The following LRRC7 variants were observed in gnomAD, a reference collection of about 807,000 sequenced individuals.
The protein encoded by LRRC7 is leucine rich repeat containing 7, also known as leucine-rich repeat-containing protein 7.
Under a neutral mutation model 175.7 loss-of-function variants are expected in LRRC7, and 23 were observed. The observed-to-expected ratio is 0.13, with a 90% CI of 0.09 to 0.19. The LOEUF (loss-of-function observed/expected upper bound fraction) is 0.19, where lower values mean the gene tolerates loss of function less well. Among genes scored for constraint, LRRC7 ranks in the 10% least tolerant of loss-of-function variants. The pLI is 1.00. For synonymous variants in LRRC7, 685 were observed against 680.9 expected (o/e 1.01, Z -0.09); for missense variants, 1,354 against 1,904.7 (o/e 0.71, Z 5.38).
intron 3 of LRRC7, among the ~76,000 whole-genome samples, chr1:69,763,981 A>G (rs1211450551): frequency 3.9e-5 from 6 of 152,038 alleles, no homozygotes; most frequent in African/African-American, 9.7e-5. Flanking sequence ...ATAAGATGTT[A>G]TGTAATACAA....
chr1:69,796,946 T>C (rs530145106), intron 4 of LRRC7, among the ~76,000 whole-genome samples: 1 of 152,202 alleles, frequency 6.6e-6, no homozygotes, highest in Non-Finnish European at 1.5e-5. Context: ...TGTTTTGAAC[T>C]TATTTCACTT....
intron 8 of LRRC7, among the ~76,000 whole-genome samples, chr1:69,947,107 CAAAATAAA>C (rs1649408113): frequency 7.2e-6 from 1 of 139,404 alleles, no homozygotes; most frequent in South Asian, 2.3e-4. Flanking sequence ...GACTGTGTCT[CAAAATAAA>C]TAAATAAATA....
intron 7 of LRRC7, among the ~76,000 whole-genome samples, chr1:69,895,403 TA>T (rs1645951802): frequency 6.6e-6 from 1 of 152,310 alleles, no homozygotes; most frequent in Admixed American, 6.5e-5. Flanking sequence ...CTTGAATTTA[TA>T]ATATATACAA....
chr1:69,629,742 G>A (rs1652184470), intron 1 of LRRC7, among the ~76,000 whole-genome samples: 1 of 151,700 alleles, frequency 6.6e-6, no homozygotes. Context: ...CTCTCTCTCT[G>A]CCTATGTTAA....
chr1:69,932,718 G>A (rs1647511778), intron 8 of LRRC7, among the ~76,000 whole-genome samples: 1 of 152,164 alleles, frequency 6.6e-6, no homozygotes, highest in Non-Finnish European at 1.5e-5. Flanking sequence ...AAAATTGCTA[G>A]TCTCTCATGT....
chr1:69,603,925 T>C (rs916128601), intron 1 of LRRC7, among the ~76,000 whole-genome samples: 3 of 152,224 alleles, frequency 2.0e-5, no homozygotes, highest in African/African-American at 7.2e-5. Flanking sequence ...ATTTGTGATA[T>C]TAAAAGATAG....
intron 7 of LRRC7, among the ~76,000 whole-genome samples, chr1:69,850,317 G>A (rs1682834590): frequency 6.6e-6 from 1 of 152,090 alleles, no homozygotes; most frequent in South Asian, 2.1e-4. Flanking sequence ...GTGAAGGAAT[G>A]TGAAAGGACA....
At chr1:69,699,301 G>A (rs537133111) in intron 2 of LRRC7, among the ~76,000 whole-genome samples, 4 of 152,224 alleles carry the variant, frequency 2.6e-5, no homozygotes, top group Admixed American at 6.5e-5. Flanking sequence ...CAGCACTTTG[G>A]GAGGCTGAGG....
At chr1:69,869,791 T>C (rs193210834) in intron 7 of LRRC7, among the ~76,000 whole-genome samples, 3 of 152,264 alleles carry the variant, frequency 2.0e-5, no homozygotes, top group East Asian at 1.9e-4. Flanking sequence ...AAGGTAAAGA[T>C]TGATAAATGT....
intron 2 of LRRC7, among the ~76,000 whole-genome samples, chr1:69,700,978 G>A (rs2100695545): frequency 6.6e-6 from 1 of 152,212 alleles, no homozygotes; most frequent in South Asian, 2.1e-4. Flanking sequence ...GCGCCCCCTT[G>A]TGACTTCCTC....
At chr1:69,651,061 T>C (rs1470197510) in intron 1 of LRRC7, among the ~76,000 whole-genome samples, 1 of 152,194 alleles carries the variant, frequency 6.6e-6, no homozygotes, top group Non-Finnish European at 1.5e-5. Flanking sequence ...TGAAAATAAG[T>C]GACGAATGTC....
chr1:69,895,971 C>A (rs1344092690), intron 7 of LRRC7, among the ~76,000 whole-genome samples: 1 of 152,050 alleles, frequency 6.6e-6, no homozygotes, highest in Non-Finnish European at 1.5e-5. Flanking sequence ...ATATAGGATA[C>A]AACGTGAGGC....
At chr1:69,995,727 G>A (rs961978282) in intron 11 of LRRC7, among the ~76,000 whole-genome samples, 16 of 152,120 alleles carry the variant, frequency 1.1e-4, no homozygotes, top group South Asian at 4.2e-4. Context: ...TACAAAGGAC[G>A]TGAACTCATC....
chr1:70,065,027 C>A (rs1231582968), intron 23 of LRRC7, among the ~76,000 whole-genome samples: 1 of 151,770 alleles, frequency 6.6e-6, no homozygotes, highest in East Asian at 1.9e-4. Flanking sequence ...TTTCTGTTAA[C>A]CCTTCTTGGT....
intron 4 of LRRC7, among the ~76,000 whole-genome samples, chr1:69,809,916 G>A (rs931021351): frequency 2.0e-5 from 3 of 152,070 alleles, no homozygotes; most frequent in African/African-American, 7.2e-5. Flanking sequence ...TGGAAGTTCT[G>A]GCCAGGGCAA....
chr1:69,600,464 G>T (rs1024645351), intron 1 of LRRC7, among the ~76,000 whole-genome samples: 8 of 152,048 alleles, frequency 5.3e-5, no homozygotes, highest in Admixed American at 2.6e-4. Flanking sequence ...TCCTTAACTG[G>T]GATTGTGTTA....
intron 1 of LRRC7, among the ~76,000 whole-genome samples, chr1:69,642,933 G>A (rs929835522): frequency 6.6e-6 from 1 of 152,084 alleles, no homozygotes; most frequent in Non-Finnish European, 1.5e-5. Context: ...CCCATGATAT[G>A]CCATCTGCAG....
intron 7 of LRRC7, among the ~76,000 whole-genome samples, chr1:69,850,762 G>A (rs148721117): frequency 3.7e-4 from 57 of 152,138 alleles, no homozygotes; most frequent in Middle Eastern, 3.4e-3. Context: ...TAGATGAGGG[G>A]AATTGGGAAT....
intron 3 of LRRC7, among the ~76,000 whole-genome samples, chr1:69,789,170 T>C (rs1468955813): frequency 2.0e-5 from 3 of 152,160 alleles, no homozygotes; most frequent in Non-Finnish European, 4.4e-5. Context: ...TAATTTATAT[T>C]GTATAGTCTT....
Sources: gnomAD v4.1 joint callset for allele counts (sites outside exome capture counted in the v4.1 genomes callset) on GRCh38, gnomAD v4.1.1 for gene constraint, MANE v1.5 for transcripts, NCBI Gene and HGNC (gene_info 2026-07-23, HGNC 2026-07-21) for gene names.